Variants in TLK2 observed in about 807,000 individuals in gnomAD.
The protein encoded by TLK2 is tousled like kinase 2.
Under a neutral mutation model 117.3 loss-of-function variants are expected in TLK2, and 6 were observed. The ratio of observed to expected loss-of-function variants is 0.05; its 90% confidence interval spans 0.03 to 0.10. The LOEUF (loss-of-function observed/expected upper bound fraction) is 0.10, where lower values mean the gene tolerates loss of function less well. TLK2 is among the 10% of genes least tolerant of loss of function. The probability of loss-of-function intolerance (pLI) is 1.00; values close to 1 mark genes in which losing one functional copy is unlikely to be tolerated. For synonymous variants in TLK2, 257 were observed against 316.7 expected (o/e 0.81, Z 2.00); for missense variants, 299 against 901.2 (o/e 0.33, Z 8.56).
intron 9 of TLK2, among the ~76,000 whole-genome samples, chr17:62,554,963 G>A (rs1257966833): frequency 6.7e-6 from 1 of 148,552 alleles, no homozygotes; most frequent in Admixed American, 6.6e-5. Flanking sequence ...TAAACATTTG[G>A]TACATTTTTT....
intron 21 of TLK2, among the ~76,000 whole-genome samples, chr17:62,609,669 G>A (rs2083587546): frequency 6.6e-6 from 1 of 152,206 alleles, no homozygotes; most frequent in Non-Finnish European, 1.5e-5. Context: ...TGTCCTAGGA[G>A]AGCTGGAGAG....
At chr17:62,540,398 GAA>G in intron 7 of TLK2, among the ~76,000 whole-genome samples, 1 of 15,698 alleles carries the variant, frequency 6.4e-5, no homozygotes, top group African/African-American at 9.1e-5. Flanking sequence ...AATATGTTCA[GAA>G]TTTTTTTTTT....
In TLK2 at chr17:62,536,313, T is replaced by C. The variant is rs1366802392; in HGVS notation, c.507T>C (p.Ala169=). The C allele has an allele frequency of 6.2e-7, 1 of 1,612,890 alleles. No individual in the cohort carries two copies. The change falls in exon 7 of 22, where the codon GCT becomes GCC. Residue 169 remains alanine (A), a synonymous_variant. Transcript: ENST00000346027. ...LDTEQLAQRG[A]GLCFTFVSAQ... is the part of the protein sequence containing the mutation. ...CAGAGCAGCTGGCGCAAAGGGGAGCTGGCCTCTGCTTCACTTTTGTTTCAG... is the reference window on the plus strand; with the variant it reads ...CAGAGCAGCTGGCGCAAAGGGGAGCCGGCCTCTGCTTCACTTTTGTTTCAG...
At chr17:62,498,613 A>ACTCCTGACGAGAC (rs906657668) in intron 2 of TLK2, among the ~76,000 whole-genome samples, 6 of 151,658 alleles carry the variant, frequency 4.0e-5, no homozygotes, top group African/African-American at 1.5e-4. Flanking sequence ...CTGGTCTCGA[A>ACTCCTGACGAGAC]CTCCTGACCT....
At chr17:62,567,521 GATGTCTATTA>G (rs1027332727) in intron 11 of TLK2, among the ~76,000 whole-genome samples, 6 of 152,274 alleles carry the variant, frequency 3.9e-5, no homozygotes, top group African/African-American at 1.4e-4. Flanking sequence ...GTTTCTGGCT[GATGTCTATTA>G]ATTATAGGTA....
chr17:62,565,667 A>AAG (rs940700695), intron 11 of TLK2, among the ~76,000 whole-genome samples: 1 of 151,676 alleles, frequency 6.6e-6, no homozygotes, highest in African/African-American at 2.4e-5. Flanking sequence ...AAAAAAAAAA[A>AAG]AAGAATGAGT....
At chr17:62,608,985 A>C (rs1309076656) in intron 21 of TLK2, among the ~76,000 whole-genome samples, 1 of 152,268 alleles carries the variant, frequency 6.6e-6, no homozygotes. Flanking sequence ...ATTTATCTCT[A>C]TTTATTAACC....
At chr17:62,555,533 A>G (rs1261867595) in intron 9 of TLK2, among the ~76,000 whole-genome samples, 2 of 150,646 alleles carry the variant, frequency 1.3e-5, no homozygotes, top group Non-Finnish European at 3.0e-5. Flanking sequence ...CCCAGGCTGA[A>G]GTGCAGTGGC....
chr17:62,529,803 A>T (rs1258091329), intron 6 of TLK2, among the ~76,000 whole-genome samples: 8 of 150,464 alleles, frequency 5.3e-5, no homozygotes, highest in Non-Finnish European at 8.9e-5. Context: ...CTTTTTCTTT[A>T]ATTTCTTGCT....
rs777808122 is a variant in TLK2 at position 62,536,224 on chromosome 17, A to G, written c.418A>G (p.Thr140Ala). Residue 140 changes from threonine (T) to alanine (A), a missense_variant, in exon 7 of 22, where the codon ACG becomes GCG. This residue lies in a region of TLK2 where 105 missense variants were observed against 218.4 expected (regional missense o/e 0.48). Transcript: ENST00000346027. Reference sequence around the variant, plus strand: ...AGATGGCAGTGCTGCAAAGGAGGCAACGGAGGAGCAGTCTGCTCTGCCAAC... The same window carrying G: ...AGATGGCAGTGCTGCAAAGGAGGCAGCGGAGGAGCAGTCTGCTCTGCCAAC... ...GLDGSAAKEA[T>A]EEQSALPTLM... 1 of 1,612,910 alleles carries G rather than the reference A, an allele frequency of 6.2e-7. No individual in the cohort carries two copies. The highest frequency in any genetic ancestry group is 8.5e-7 in the Non-Finnish European group (1 of 1,179,818).
At chr17:62,595,993 A>G (rs925183187) in intron 16 of TLK2, among the ~76,000 whole-genome samples, 3 of 152,164 alleles carry the variant, frequency 2.0e-5, no homozygotes, top group Non-Finnish European at 4.4e-5. Flanking sequence ...CGTGGAAAAG[A>G]GGTGTGATTA....
At chr17:62,608,178 GA>G in intron 21 of TLK2, 30 bp downstream of exon 21, 6 of 1,574,698 alleles carry the variant, frequency 3.8e-6, no homozygotes, top group Non-Finnish European at 5.2e-6. Flanking sequence ...TTGGCCAACA[GA>G]AACGGCTGCT....
intron 2 of TLK2, among the ~76,000 whole-genome samples, chr17:62,520,218 G>A (rs2075938303): frequency 1.3e-5 from 2 of 152,138 alleles, no homozygotes; most frequent in African/African-American, 4.8e-5. Context: ...TGGATTCCCA[G>A]TATTCTCAGT....
At chr17:62,607,578 G>A (rs1394546833) in intron 20 of TLK2, among the ~76,000 whole-genome samples, 1 of 152,076 alleles carries the variant, frequency 6.6e-6, no homozygotes, top group African/African-American at 2.4e-5. Flanking sequence ...AAGCCATTAA[G>A]TAACCCCAAC....
intron 14 of TLK2, among the ~76,000 whole-genome samples, chr17:62,579,533 T>C (rs1372087264): frequency 1.3e-5 from 2 of 152,176 alleles, no homozygotes; most frequent in Non-Finnish European, 2.9e-5. Flanking sequence ...TAAAAATATT[T>C]TTAAATTTGT....
intron 1 of TLK2, among the ~76,000 whole-genome samples, chr17:62,479,653 G>A (rs560739765): frequency 6.6e-6 from 1 of 152,292 alleles, no homozygotes; most frequent in Admixed American, 6.5e-5. Context: ...CCGGCGAGGG[G>A]CGCCGGGACC....
At chr17:62,500,136 C>T (rs993554657) in intron 2 of TLK2, among the ~76,000 whole-genome samples, 2 of 151,856 alleles carry the variant, frequency 1.3e-5, no homozygotes, top group Non-Finnish European at 2.9e-5. Flanking sequence ...GTGGTATGAT[C>T]ATAGTTCACT....
upstream of TLK2, among the ~76,000 whole-genome samples, chr17:62,475,647 A>G (rs1374387561): frequency 3.3e-5 from 5 of 151,704 alleles, no homozygotes; most frequent in Non-Finnish European, 5.9e-5. Flanking sequence ...GCCAGGCCCA[A>G]TGATTATTTT....
intron 3 of TLK2, 82 bp from the exon 4 acceptor site, chr17:62,522,122 A>G: frequency 7.0e-7 from 1 of 1,423,368 alleles, no homozygotes; most frequent in Non-Finnish European, 9.7e-7. Context: ...TTATATATTC[A>G]ATATTTTGTG....
Sources: allele counts gnomAD v4.1 joint callset (sites outside exome capture counted in the v4.1 genomes callset), GRCh38; gene constraint gnomAD v4.1.1; regional missense constraint gnomAD v4.1.1; transcripts MANE v1.5; gene names NCBI Gene and HGNC (gene_info 2026-07-23, HGNC 2026-07-21).